The following ANKRD28 variants were observed in gnomAD, a reference collection of about 807,000 sequenced individuals.
ANKRD28 encodes serine/threonine-protein phosphatase 6 regulatory ankyrin repeat subunit A.
ANKRD28 carries 44 observed loss-of-function variants against 126.5 expected under a neutral mutation model. The observed-to-expected ratio is 0.35, with a 90% CI of 0.27 to 0.45. The LOEUF (loss-of-function observed/expected upper bound fraction) is 0.45. Among genes scored for constraint, ANKRD28 ranks in the 20% least tolerant of loss-of-function variants. ANKRD28 has a pLI of 1.00. For missense variants in ANKRD28, 1,110 were observed against 1,316.6 expected (o/e 0.84, Z 2.43); for synonymous variants, 442 against 468.5 (o/e 0.94, Z 0.73).
chr3:15,822,472 C>T (rs867571735), intron 1 of ANKRD28, among the ~76,000 whole-genome samples: 10 of 152,082 alleles, frequency 6.6e-5, no homozygotes, highest in African/African-American at 2.4e-4. Context: ...AATAACAATC[C>T]CCAGGGAGGG....
chr3:15,823,793 T>G (rs2060998435), intron 1 of ANKRD28, among the ~76,000 whole-genome samples: 1 of 152,128 alleles, frequency 6.6e-6, no homozygotes, highest in African/African-American at 2.4e-5. Context: ...ATCACATTAA[T>G]AAAATGAAAG....
chr3:15,790,018 T>C (rs12637353), intron 2 of ANKRD28, among the ~76,000 whole-genome samples: 81,014 of 151,862 alleles, frequency 0.53, 22,479 homozygotes, highest in Admixed American at 0.61. Context: ...TGTAAGCAAC[T>C]ATATATGCTG....
intron 4 of ANKRD28, among the ~76,000 whole-genome samples, chr3:15,748,339 C>A (rs1001942387): frequency 2.6e-5 from 4 of 152,088 alleles, no homozygotes; most frequent in Non-Finnish European, 5.9e-5. Context: ...TCAAGAATTT[C>A]TTTCAAGGTT....
At chr3:15,748,281 T>C (rs1188061523) in intron 4 of ANKRD28, among the ~76,000 whole-genome samples, 1 of 152,176 alleles carries the variant, frequency 6.6e-6, no homozygotes, top group African/African-American at 2.4e-5. Context: ...TATTGTTACA[T>C]AGGTCTTGTA....
chr3:15,674,312 G>A (rs987467990), intron 27 of ANKRD28, among the ~76,000 whole-genome samples: 7 of 152,012 alleles, frequency 4.6e-5, no homozygotes, highest in Admixed American at 3.9e-4. Context: ...CTTTAGAGGT[G>A]GAGTCAATAG....
rs1334090441 is a variant in ANKRD28, at chr3:15,745,288, T to TA, written c.351+6461dup. ...GATTCTTGGTCATGACGTCTTTGCC[T>TA]AAACCAATGTCTAGAAGGGTTTTTT... On this transcript the variant is annotated intron_variant, in intron 4 of 27. Coordinates refer to ENST00000683139, the MANE Select transcript of ANKRD28 (RefSeq NM_001349278.2). 3.3e-5 allele frequency among the ~76,000 whole-genome samples: 5 copies of TA among 152,220 alleles called. No homozygotes were observed. The East Asian group carries it at 9.6e-4, about 29-fold the overall frequency.
intron 1 of ANKRD28, among the ~76,000 whole-genome samples, chr3:15,835,946 A>G (rs1030762836): frequency 1.3e-5 from 2 of 152,224 alleles, no homozygotes; most frequent in African/African-American, 4.8e-5. Context: ...CTGTATAAAT[A>G]TAACTTCTAC....
At chr3:15,837,330 C>CT (rs2061347326) in intron 1 of ANKRD28, among the ~76,000 whole-genome samples, 1 of 151,978 alleles carries the variant, frequency 6.6e-6, no homozygotes, top group African/African-American at 2.4e-5. Context: ...AGACTCTGCC[C>CT]AACAGCAGTA....
chr3:15,831,583 C>T lies in ANKRD28; in HGVS notation c.27+27794G>A, dbSNP rs79957030. ...AATTCCCCTGAGGAGAAAAATCGCT[C>T]TCCCCTCAATATTGAAAATCACTGT... On this transcript the variant is annotated intron_variant, in intron 1 of 27. Coordinates refer to the ANKRD28 transcript ENST00000399451. Among the ~76,000 whole-genome samples the T allele has an allele frequency of 4.3e-3, 654 of 152,324 alleles. 5 individuals are homozygous for T. The highest frequency in any genetic ancestry group is 0.021 in the East Asian group (109 of 5,188).
intron 1 of ANKRD28, among the ~76,000 whole-genome samples, chr3:15,827,982 AC>A (rs2061105048): frequency 6.6e-6 from 1 of 152,220 alleles, no homozygotes. Flanking sequence ...GTTCAACATC[AC>A]AAATCATTAG....
intron 10 of ANKRD28, among the ~76,000 whole-genome samples, chr3:15,713,093 G>C (rs972255908): frequency 1.3e-5 from 2 of 152,042 alleles, no homozygotes; most frequent in Non-Finnish European, 2.9e-5. Flanking sequence ...ACCAAAATGG[G>C]GGTGGGGGTA....
intron 1 of ANKRD28, among the ~76,000 whole-genome samples, chr3:15,809,141 C>G (rs1017289287): frequency 6.6e-6 from 1 of 152,098 alleles, no homozygotes; most frequent in Non-Finnish European, 1.5e-5. Flanking sequence ...ACAAAGTAGC[C>G]CAACACACAG....
At chr3:15,764,281 T>C (rs1433306826) in intron 3 of ANKRD28, among the ~76,000 whole-genome samples, 1 of 152,206 alleles carries the variant, frequency 6.6e-6, no homozygotes, top group Non-Finnish European at 1.5e-5. Flanking sequence ...ACAAGTATCA[T>C]GGTTAATTTT....
intron 7 of ANKRD28, among the ~76,000 whole-genome samples, chr3:15,721,581 A>G (rs2073735229): frequency 6.6e-6 from 1 of 152,198 alleles, no homozygotes; most frequent in Admixed American, 6.5e-5. Context: ...GTAATAAAGT[A>G]CAGATCAAGA....
chr3:15,777,900 A>AC (rs1323566552), intron 2 of ANKRD28, among the ~76,000 whole-genome samples: 1 of 139,456 alleles, frequency 7.2e-6, no homozygotes, highest in Non-Finnish European at 1.5e-5. Flanking sequence ...ACACACACAC[A>AC]CACCCTCTCC....
At chr3:15,859,254 AGG>A in intron 1 of ANKRD28, 2 of 1,386,780 alleles carry the variant, frequency 1.4e-6, no homozygotes, top group Non-Finnish European at 9.5e-7. Context: ...TCCCCGGGGC[AGG>A]ACCCCCGTTT....
intron 11 of ANKRD28, 108 bp from the exon 12 acceptor site, chr3:15,711,382 C>T: frequency 1.1e-6 from 1 of 880,120 alleles, no homozygotes; most frequent in East Asian, 2.6e-5. Context: ...CCAAACAAAA[C>T]TATGGGTTCT....
At chr3:15,808,652 C>G (rs1339778059) in intron 1 of ANKRD28, among the ~76,000 whole-genome samples, 1 of 152,188 alleles carries the variant, frequency 6.6e-6, no homozygotes, top group African/African-American at 2.4e-5. Flanking sequence ...ATAGACCTTA[C>G]TTTTTCAATT....
intron 21 of ANKRD28, among the ~76,000 whole-genome samples, chr3:15,682,991 G>A (rs1402990501): frequency 1.8e-4 from 27 of 152,140 alleles, no homozygotes; most frequent in Admixed American, 1.7e-3. Context: ...TGCACAAAAC[G>A]TGCTTAGAGT....
Sources: allele counts gnomAD v4.1 joint callset (sites outside exome capture counted in the v4.1 genomes callset), GRCh38; gene constraint gnomAD v4.1.1; transcripts MANE v1.5; gene names NCBI Gene and HGNC (gene_info 2026-07-23, HGNC 2026-07-21).